IFNGR2: variants seen among roughly 807,000 people sequenced by gnomAD.
The protein encoded by IFNGR2 is IFN-gamma receptor 2.
Under a neutral mutation model 41.1 loss-of-function variants are expected in IFNGR2, and 15 were observed. That is an observed-to-expected ratio of 0.37 (90% confidence interval 0.24 to 0.56). IFNGR2 has a LOEUF of 0.56. Among genes scored for constraint, IFNGR2 ranks in the 20% least tolerant of loss-of-function variants. The pLI, the probability that IFNGR2 is intolerant of heterozygous loss-of-function variation, is 0.81. For synonymous variants in IFNGR2, 161 were observed against 171.6 expected, an observed-to-expected ratio of 0.94 and a Z score of 0.48; for missense variants, 362 against 415.7, an observed-to-expected ratio of 0.87 and a Z score of 1.12.
chr21:33,414,744 G>T, intron 1 of IFNGR2, 144 bp from the exon 2 acceptor site: 1 of 987,224 alleles, frequency 1.0e-6, no homozygotes. Flanking sequence ...GCCATGCCCA[G>T]GGGGACCTGG....
chr21:33,433,652 T>C (rs1456701914), intron 6 of IFNGR2, among the ~76,000 whole-genome samples: 1 of 152,098 alleles, frequency 6.6e-6, no homozygotes, highest in Non-Finnish European at 1.5e-5. Context: ...GAGTTTCAGT[T>C]CTGGGGCTGT....
At chr21:33,423,645 G>A (rs548726229) in intron 3 of IFNGR2, among the ~76,000 whole-genome samples, 14 of 151,758 alleles carry the variant, frequency 9.2e-5, no homozygotes, top group African/African-American at 3.1e-4. Context: ...CTCGTGATCC[G>A]CCCATCTCAG....
At chr21:33,412,499 C>T (rs1485145910) in intron 1 of IFNGR2, among the ~76,000 whole-genome samples, 2 of 152,178 alleles carry the variant, frequency 1.3e-5, no homozygotes, top group African/African-American at 2.4e-5. Flanking sequence ...GTCCCCGATA[C>T]CGTCAAGGCC....
chr21:33,431,399 G>T (rs1316080586), intron 4 of IFNGR2, among the ~76,000 whole-genome samples: 1 of 152,032 alleles, frequency 6.6e-6, no homozygotes, highest in African/African-American at 2.4e-5. Flanking sequence ...GTGAAACCCT[G>T]TTTCTACTAA....
intron 2 of IFNGR2, 36 bp from the exon 3 acceptor site, chr21:33,421,444 G>A (rs557323746): frequency 6.5e-7 from 1 of 1,541,398 alleles, no homozygotes; most frequent in South Asian, 1.1e-5. Flanking sequence ...ATGAAACAGA[G>A]AATTCTGTGA....
At position 33,432,374 on chromosome 21, in the gene IFNGR2, A is replaced by G. The variant is rs779900892; in HGVS notation, c.721+38A>G. The G allele has an allele frequency of 3.8e-6, 6 of 1,575,926 alleles. No homozygotes were observed. The African/African-American group carries it at 4.0e-5, about 11-fold the overall frequency. On this transcript the variant is annotated intron_variant, in intron 5 of 6. Coordinates refer to ENST00000290219, the MANE Select transcript of IFNGR2 (RefSeq NM_005534.4). ...TTCTTATGTCCTTTCTGAACTGGGA[A>G]AAGAATACTCCTCCAATAGTGAAAT...
intron 6 of IFNGR2, among the ~76,000 whole-genome samples, chr21:33,434,764 A>C (rs2083927464): frequency 6.6e-6 from 1 of 151,848 alleles, no homozygotes; most frequent in African/African-American, 2.4e-5. Context: ...CCCTACTAGA[A>C]CCTCCCTGGT....
chr21:33,421,771 C>T, intron 3 of IFNGR2, 86 bp downstream of exon 3: 2 of 1,041,062 alleles, frequency 1.9e-6, no homozygotes, highest in Non-Finnish European at 3.0e-6. Flanking sequence ...TCTGTCCTGC[C>T]TGTCACCCTA....
At chr21:33,403,704 G>T in intron 1 of IFNGR2, 88 bp downstream of exon 1, 2 of 705,940 alleles carry the variant, frequency 2.8e-6, no homozygotes, top group Non-Finnish European at 3.8e-6. Context: ...GGGGTGGGGG[G>T]AATCTGCCGG....
At chr21:33,406,989 C>G (rs1051223715) in intron 1 of IFNGR2, among the ~76,000 whole-genome samples, 2 of 151,970 alleles carry the variant, frequency 1.3e-5, no homozygotes, top group Non-Finnish European at 2.9e-5. Context: ...GTATCTATCC[C>G]TTAGAGTTCT....
Position 33,418,868 on chromosome 21 carries a change from G to A in IFNGR2, c.207-2612G>A, listed in dbSNP as rs534938244. Among the ~76,000 whole-genome samples, 8 of 151,972 alleles carry A rather than the reference G, an allele frequency of 5.3e-5. No homozygotes were observed. The South Asian group carries it at 1.0e-3, about 20-fold the overall frequency. On this transcript the variant is annotated intron_variant, in intron 2 of 6. Coordinates refer to ENST00000290219, the MANE Select transcript of IFNGR2 (RefSeq NM_005534.4). ...GTTTTCCTTGAAAATGCAGACAGTC[G>A]GGCAGCAAGGCCCCTTCCAGATCAC...
At chr21:33,428,396 T>A (rs1335389597) in intron 4 of IFNGR2, among the ~76,000 whole-genome samples, 1 of 151,818 alleles carries the variant, frequency 6.6e-6, no homozygotes, top group Non-Finnish European at 1.5e-5. Context: ...CTAATATTTT[T>A]AAATTTTTTT....
At chr21:33,422,100 A>C (rs1056080173) in intron 3 of IFNGR2, among the ~76,000 whole-genome samples, 10 of 152,368 alleles carry the variant, frequency 6.6e-5, no homozygotes, top group African/African-American at 1.9e-4. Context: ...ATGCTAGCAT[A>C]TCTCTCTGAT....
At position 33,437,071 on chromosome 21, in the gene IFNGR2, T is replaced by G; in HGVS notation, c.*109T>G. On this transcript the variant is annotated 3_prime_UTR_variant, in exon 7 of 7. Transcript: ENST00000290219. ...GACCAGTATTCCCTTTTGCTGCCTC[T>G]AAAAGGCCTGTCCCTGCAGACATGA... The G allele has an allele frequency of 9.0e-7, 1 of 1,111,334 alleles. No homozygotes were observed. The highest frequency in any genetic ancestry group is 2.4e-5 in the East Asian group (1 of 41,396). The allele number at this position is 1,111,334 out of a possible 1,614,324, so 68.8% of individuals were successfully genotyped here.
chr21:33,411,799 T>C (rs1303694398), intron 1 of IFNGR2, among the ~76,000 whole-genome samples: 2 of 152,246 alleles, frequency 1.3e-5, no homozygotes, highest in African/African-American at 4.8e-5. Context: ...CCCTGGAGGC[T>C]CGAGAAGGAC....
chr21:33,435,113 G>A (rs1432964159), intron 6 of IFNGR2, among the ~76,000 whole-genome samples: 2 of 152,160 alleles, frequency 1.3e-5, no homozygotes, highest in African/African-American at 4.8e-5. Context: ...GCATTTCCAA[G>A]AGCTAGACAC....
intron 2 of IFNGR2, among the ~76,000 whole-genome samples, chr21:33,416,259 T>G (rs1344873510): frequency 6.6e-6 from 1 of 152,202 alleles, no homozygotes; most frequent in African/African-American, 2.4e-5. Context: ...AAGTGTATAT[T>G]CATATCCATC....
intron 2 of IFNGR2, among the ~76,000 whole-genome samples, chr21:33,415,903 C>G (rs2123340584): frequency 1.3e-5 from 2 of 152,266 alleles, no homozygotes; most frequent in Middle Eastern, 6.8e-3. Flanking sequence ...CCTCTATCGC[C>G]CAGGCTGGAG....
At chr21:33,430,121 G>A (rs368745077) in intron 4 of IFNGR2, among the ~76,000 whole-genome samples, 2 of 152,094 alleles carry the variant, frequency 1.3e-5, no homozygotes, top group African/African-American at 4.8e-5. Context: ...CCTGGGCAAC[G>A]GAGCAAGACT....
Sources: allele counts gnomAD v4.1 joint callset (sites outside exome capture counted in the v4.1 genomes callset), GRCh38; gene constraint gnomAD v4.1.1; transcripts MANE v1.5; gene names NCBI Gene and HGNC (gene_info 2026-07-23, HGNC 2026-07-21).